The following EML6 variants were observed in gnomAD, a reference collection of about 807,000 sequenced individuals.
EML6 encodes echinoderm microtubule-associated protein-like 6.
Under a neutral mutation model 240.1 loss-of-function variants are expected in EML6, and 154 were observed. The observed-to-expected ratio is 0.64, with a 90% CI of 0.56 to 0.73. EML6 has a LOEUF of 0.73. Ranked by LOEUF, EML6 falls within the 30% of genes least tolerant of loss-of-function variation. The pLI, the probability that EML6 is intolerant of heterozygous loss-of-function variation, is 0.00. For synonymous variants in EML6, 1,148 were observed against 899.0 expected, an observed-to-expected ratio of 1.28 and a Z score of -4.95; for missense variants, 2,964 against 2,474.6, an observed-to-expected ratio of 1.20 and a Z score of -4.20.
At chr2:54,922,859 T>A (rs1270495467) in intron 26 of EML6, among the ~76,000 whole-genome samples, 1 of 149,736 alleles carries the variant, frequency 6.7e-6, no homozygotes, top group African/African-American at 2.5e-5. Context: ...CTCACAGAAG[T>A]AGAGAGTAGA....
At chr2:54,796,351 C>T (rs544197925) in intron 2 of EML6, among the ~76,000 whole-genome samples, 2 of 152,106 alleles carry the variant, frequency 1.3e-5, no homozygotes, top group East Asian at 3.8e-4. Flanking sequence ...CCTAAAGAAG[C>T]TAAATGACCT....
Position 54,889,749 on chromosome 2 carries a change from C to T in EML6, c.2439-1305C>T, listed in dbSNP as rs547230503. ...TAGTTTTAGCTCTTCCATTCCAGCT[C>T]TTGTGCCTTTTAAAATCTCCTCTAG... On this transcript the variant is annotated intron_variant, in intron 17 of 41. Transcript: ENST00000356458. 4.6e-5 allele frequency among the ~76,000 whole-genome samples: 7 copies of T among 152,200 alleles called. 1 individual carries two copies. Among genetic ancestry groups the T allele is most frequent in the African/African-American group, 1.7e-4 (7 of 41,522 alleles).
rs1005196038 is a variant in EML6 at position 54,782,616 on chromosome 2, G to A, written c.198-30616G>A. On this transcript the variant is annotated intron_variant, in intron 2 of 41. Coordinates refer to ENST00000356458, the MANE Select transcript of EML6 (RefSeq NM_001039753.4). ...TTTTTGTAACGAGTATCATGAATGT[G>A]TCTAATCAAATCATAAAGGGTTATA... 1.4e-3 allele frequency among the ~76,000 whole-genome samples: 207 copies of A among 149,674 alleles called. 3 individuals carry two copies. Among genetic ancestry groups the A allele is most frequent in the Non-Finnish European group, 5.0e-4 (34 of 67,670 alleles).
chr2:54,883,181 G>T (rs1671931937), intron 17 of EML6, among the ~76,000 whole-genome samples: 2 of 151,900 alleles, frequency 1.3e-5, no homozygotes, highest in African/African-American at 2.4e-5. Flanking sequence ...TGTAGCCATG[G>T]TTAACATTTT....
intron 22 of EML6, among the ~76,000 whole-genome samples, chr2:54,902,153 T>G (rs1189066154): frequency 6.9e-6 from 1 of 144,344 alleles, no homozygotes; most frequent in African/African-American, 2.5e-5. Context: ...TATGTAAGGC[T>G]TAATATTTAA....
intron 24 of EML6, among the ~76,000 whole-genome samples, 195 bp downstream of exon 24, chr2:54,903,697 G>T (rs1163598502): frequency 6.6e-6 from 1 of 152,146 alleles, no homozygotes; most frequent in East Asian, 1.9e-4. Flanking sequence ...ATCTTTTTAC[G>T]CTTAGGATGA....
At chr2:54,771,524 T>C (rs1668400411) in intron 2 of EML6, among the ~76,000 whole-genome samples, 1 of 152,274 alleles carries the variant, frequency 6.6e-6, no homozygotes, top group South Asian at 2.1e-4. Flanking sequence ...TGAAGACAGA[T>C]GCAGGAAACT....
intron 17 of EML6, 32 bp from the exon 18 acceptor site, chr2:54,891,022 C>T (rs1238506011): frequency 9.0e-7 from 1 of 1,115,682 alleles, no homozygotes; most frequent in South Asian, 1.8e-5. Context: ...TCCATCCAAA[C>T]TAGAATCTTA....
chr2:54,951,771 A>G (rs777334466), intron 30 of EML6, among the ~76,000 whole-genome samples: 7 of 151,706 alleles, frequency 4.6e-5, no homozygotes, highest in African/African-American at 7.3e-5. Context: ...GTTCATACAT[A>G]GATTTAAACA....
At chr2:54,769,448 G>A (rs1668320000) in intron 2 of EML6, among the ~76,000 whole-genome samples, 1 of 152,266 alleles carries the variant, frequency 6.6e-6, no homozygotes, top group Admixed American at 6.5e-5. Flanking sequence ...TAGTACAAAA[G>A]TAATACATGC....
At chr2:54,826,541 A>G (rs1407958504) in intron 5 of EML6, among the ~76,000 whole-genome samples, 2 of 152,222 alleles carry the variant, frequency 1.3e-5, no homozygotes, top group East Asian at 3.9e-4. Context: ...CAGAGGTTGC[A>G]GTGAGCCAAG....
At chr2:54,892,337 C>G in intron 18 of EML6, 117 bp from the exon 19 acceptor site, 1 of 651,114 alleles carries the variant, frequency 1.5e-6, no homozygotes, top group Non-Finnish European at 2.7e-6. Context: ...CACTTTTAGA[C>G]ATCTTTACAT....
chr2:54,866,144 T>C (rs1316907030), intron 13 of EML6, among the ~76,000 whole-genome samples: 4 of 152,210 alleles, frequency 2.6e-5, no homozygotes, highest in Admixed American at 2.6e-4. Flanking sequence ...AAAAACTTGA[T>C]GAAGATGAGA....
chr2:54,829,737 G>A (rs1456710336), intron 7 of EML6, among the ~76,000 whole-genome samples: 1 of 152,212 alleles, frequency 6.6e-6, no homozygotes, highest in Non-Finnish European at 1.5e-5. Context: ...GGGATTGTCA[G>A]TGACAAAACT....
At chr2:54,857,411 A>T (rs1301454687) in intron 11 of EML6, among the ~76,000 whole-genome samples, 4 of 152,158 alleles carry the variant, frequency 2.6e-5, no homozygotes, top group Non-Finnish European at 5.9e-5. Flanking sequence ...GCCTTATGAG[A>T]GACAGGTGTG....
At chr2:54,864,749 A>C (rs1670875187) in intron 13 of EML6, among the ~76,000 whole-genome samples, 1 of 152,250 alleles carries the variant, frequency 6.6e-6, no homozygotes. Context: ...TCGTATTAGG[A>C]TAACAATGCT....
At chr2:54,921,732 A>G (rs1021612094) in intron 26 of EML6, among the ~76,000 whole-genome samples, 44 of 152,182 alleles carry the variant, frequency 2.9e-4, no homozygotes, top group African/African-American at 1.0e-3. Flanking sequence ...ATAAAAACAC[A>G]TAGACCAATG....
intron 31 of EML6, 67 bp downstream of exon 31, chr2:54,952,759 G>A: frequency 9.2e-7 from 1 of 1,088,764 alleles, no homozygotes; most frequent in Non-Finnish European, 1.4e-6. Context: ...AGCAATTATT[G>A]GGAGAGGGAG....
chr2:54,931,140 G>C (rs1172772817), intron 28 of EML6, among the ~76,000 whole-genome samples: 1 of 151,792 alleles, frequency 6.6e-6, no homozygotes, highest in Non-Finnish European at 1.5e-5. Context: ...TGTATTTTTA[G>C]TAGAGACGGG....
Sources: allele counts gnomAD v4.1 joint callset (sites outside exome capture counted in the v4.1 genomes callset), GRCh38; gene constraint gnomAD v4.1.1; transcripts MANE v1.5; gene names NCBI Gene and HGNC (gene_info 2026-07-23, HGNC 2026-07-21).